ENOSF1: variants seen among roughly 807,000 people sequenced by gnomAD.
ENOSF1 encodes the protein enolase superfamily member 1.
In ENOSF1, 73 loss-of-function variants were observed where a neutral mutation model predicts 68.2. The observed-to-expected ratio is 1.07, with a 90% CI of 0.89 to 1.30. The LOEUF (loss-of-function observed/expected upper bound fraction) is 1.30. Ranked by LOEUF, ENOSF1 falls within the 50% of genes most tolerant of loss-of-function variation. The pLI is 0.00. For missense variants in ENOSF1, 589 were observed against 554.5 expected (o/e 1.06, Z -0.62); for synonymous variants, 223 against 210.4 (o/e 1.06, Z -0.52).
intron 3 of ENOSF1, among the ~76,000 whole-genome samples, 184 bp from the exon 4 acceptor site, chr18:694,518 C>T (rs1030741126): frequency 6.6e-6 from 1 of 151,832 alleles, no homozygotes; most frequent in Non-Finnish European, 1.5e-5. Context: ...GTAGTCCCTA[C>T]TCAGGAGGCT....
At chr18:667,989 GGAA>G (rs2074889547), downstream of ENOSF1, among the ~76,000 whole-genome samples, 1 of 88,234 alleles carries the variant, frequency 1.1e-5, no homozygotes, top group African/African-American at 6.6e-5. Context: ...CAGATTCACA[GGAA>G]TTTTTTTTTT....
chr18:669,428 A>G (rs2074939693), downstream of ENOSF1: 1 of 347,766 alleles, frequency 2.9e-6, no homozygotes, highest in Admixed American at 4.2e-5. Context: ...GCTGGAATGC[A>G]ACGGCGTGAT....
In ENOSF1 at chr18:708,434, G is replaced by A. The variant is rs1445100305; in HGVS notation, c.85-1856C>T. On this transcript the variant is annotated intron_variant, in intron 1 of 15. Coordinates refer to ENST00000647584, the MANE Select transcript of ENOSF1 (RefSeq NM_017512.7). ...ACCTGTAATCCCAACACTTTGGGAG[G>A]CCAAGACAGGAGGATTGTTTGAGCC... Among the ~76,000 whole-genome samples, 3 of 152,048 alleles carry A rather than the reference G, an allele frequency of 2.0e-5. No homozygotes were observed. In the East Asian group the frequency reaches 5.8e-4, roughly 29 times the overall value.
rs60666075 is a variant in ENOSF1, at chr18:684,864, ATT to A, written c.741+1055_741+1056del. Among the ~76,000 whole-genome samples, 80 of 147,700 alleles carry A rather than the reference ATT, an allele frequency of 5.4e-4. 1 individual carries two copies. The highest frequency in any genetic ancestry group is 1.7e-3 in the African/African-American group (70 of 40,808). ...CCAGAGGACAGTATGCTCAGAATGG[ATT>A]TTTTTTTTTTAAGAGGCTGGATCTC... On this transcript the variant is annotated intron_variant, in intron 10 of 15. Transcript: ENST00000647584.
intron 1 of ENOSF1, among the ~76,000 whole-genome samples, chr18:711,646 G>A (rs1162085953): frequency 2.0e-5 from 3 of 152,208 alleles, no homozygotes; most frequent in Admixed American, 1.3e-4. Flanking sequence ...CTAGACGGGG[G>A]CAGGGGAGGG....
At position 671,749 on chromosome 18, in the gene ENOSF1, T is replaced by C. The variant is rs2075061173; in HGVS notation, c.*2556A>G. The C allele has an allele frequency of 5.2e-6, 2 of 386,740 alleles. No individual in the cohort carries two copies. The highest frequency in any genetic ancestry group is 4.5e-5 in the Admixed American group (1 of 22,200). The allele number at this position is 386,740 out of a possible 1,614,324, so 24.0% of individuals were successfully genotyped here. The stretch of plus-strand genomic sequence containing the variant: ...AGGGGGCATTTTAACTCATTTTAAC[T>C]TGAAGGAGAATTGAAGTGCAAATGT... On this transcript the variant is annotated 3_prime_UTR_variant, in exon 16 of 16. Transcript: ENST00000647584.
intron 3 of ENOSF1, among the ~76,000 whole-genome samples, chr18:696,381 T>G (rs2077733759): frequency 6.6e-6 from 1 of 151,654 alleles, no homozygotes; most frequent in Non-Finnish European, 1.5e-5. Flanking sequence ...CCGGCTAATT[T>G]TTTGTATTTT....
rs765408901 is a variant in ENOSF1, at chr18:712,572, T to G, written c.16A>C (p.Ile6Leu). Residue 6 changes from isoleucine to leucine, a missense_variant, in exon 1 of 16, where the codon ATC becomes CTC. Coordinates refer to ENST00000647584, the MANE Select transcript of ENOSF1 (RefSeq NM_017512.7). Reference sequence around the variant, plus strand: ...ACGTCCCGGACCGAGAGCCGGGAGATCCTGCCGCGCACCATGGCCCCTGCG... The same window carrying G: ...ACGTCCCGGACCGAGAGCCGGGAGAGCCTGCCGCGCACCATGGCCCCTGCG... MVRGR[I>L]SRLSVRDVRF... is the part of the protein sequence containing the mutation. 2.0e-6 allele frequency: 3 copies of G among 1,516,926 alleles called. No homozygotes were observed. The highest frequency in any genetic ancestry group is 2.6e-5 in the East Asian group (1 of 38,444). 94.0% of individuals were successfully genotyped at this position (1,516,926 alleles called of 1,614,324 possible).
chr18:691,352 ATTC>A (rs1230344562), intron 5 of ENOSF1, 76 bp from the exon 6 acceptor site: 6 of 1,268,852 alleles, frequency 4.7e-6, no homozygotes, highest in Non-Finnish European at 6.6e-6. Context: ...AAAATTTATT[ATTC>A]TTTTTTTAGA....
chr18:695,299 C>T (rs1462176878), intron 3 of ENOSF1, among the ~76,000 whole-genome samples: 3 of 152,164 alleles, frequency 2.0e-5, no homozygotes, highest in Non-Finnish European at 4.4e-5. Context: ...CATTTTTTGG[C>T]ATCAATACTA....
chr18:693,892 A>G lies in ENOSF1; in HGVS notation c.413T>C (p.Leu138Pro), dbSNP rs1215451407. The G allele has an allele frequency of 2.5e-6, 4 of 1,614,050 alleles. No homozygotes were observed. The highest frequency in any genetic ancestry group is 3.4e-6 in the Non-Finnish European group (4 of 1,180,038). The stretch of plus-strand genomic sequence containing the variant: ...AACAATGCTACTCACCATGTCCACA[A>G]GTAACTTCCAGACAGGCTTGAAGTA... ...KQEGKPVWKLLVDMDPRMLVS... is the reference protein window; with the variant it reads ...KQEGKPVWKLPVDMDPRMLVS... The change falls in exon 5 of 16, where the codon CTT (leucine) becomes CCT (proline). Residue 138 changes from leucine to proline, a missense_variant. Leu to Pro is a moderately conservative substitution (Grantham distance 98, BLOSUM62 -3). Transcript: ENST00000647584.
chr18:666,515 A>T (rs2074818905), downstream of ENOSF1, among the ~76,000 whole-genome samples: 1 of 152,110 alleles, frequency 6.6e-6, no homozygotes, highest in South Asian at 2.1e-4. Flanking sequence ...GTCCCTAGGA[A>T]AAGCAGATGC....
intron 1 of ENOSF1, among the ~76,000 whole-genome samples, chr18:710,492 ATAG>A (rs1437463164): frequency 1.3e-5 from 2 of 152,284 alleles, no homozygotes; most frequent in African/African-American, 4.8e-5. Flanking sequence ...CTCAGAGTGA[ATAG>A]TAATTACAGC....
intron 5 of ENOSF1, chr18:692,618 A>C: frequency 1.3e-6 from 1 of 784,688 alleles, no homozygotes; most frequent in Non-Finnish European, 1.5e-6. Context: ...AAAGAAAGAA[A>C]GAAAAAAAGA....
intron 11 of ENOSF1, among the ~76,000 whole-genome samples, chr18:679,538 T>C (rs993809800): frequency 6.9e-6 from 1 of 145,156 alleles, no homozygotes; most frequent in Non-Finnish European, 1.5e-5. Context: ...AAAATCCTCT[T>C]CCTTAAGGCA....
Position 673,155 on chromosome 18 carries a change from A to C in ENOSF1, c.*1150T>G. 1.4e-6 allele frequency: 1 copy of C among 729,878 alleles called. No homozygotes were observed. The highest frequency in any genetic ancestry group is 2.1e-6 in the Non-Finnish European group (1 of 483,302). The allele number at this position is 729,878 out of a possible 1,614,324, so 45.2% of individuals were successfully genotyped here. A position where few individuals can be genotyped will look rare whatever the true frequency, so the allele number is the denominator to read the frequency against. On this transcript the variant is annotated 3_prime_UTR_variant, in exon 16 of 16. Coordinates refer to ENST00000647584, the MANE Select transcript of ENOSF1 (RefSeq NM_017512.7). The stretch of plus-strand genomic sequence containing the variant: ...ATTTTTAAGGATGTTGCCACTGGCA[A>C]ATGTAACTGTGCCAGTTCTTTCCAT...
Position 670,636 on chromosome 18 carries a change from T to C in ENOSF1, c.*3669A>G. ...TTTCTCTCCTGTTTTACTTTGCCTTTAGCTGTGGTCTTTCAAACCACCATC... is the reference window on the plus strand; with the variant it reads ...TTTCTCTCCTGTTTTACTTTGCCTTCAGCTGTGGTCTTTCAAACCACCATC... On this transcript the variant is annotated 3_prime_UTR_variant, in exon 16 of 16. Transcript: ENST00000647584. 3 of 1,589,398 alleles carry C rather than the reference T, an allele frequency of 1.9e-6. No homozygotes were observed. Among genetic ancestry groups the C allele is most frequent in the Non-Finnish European group, 2.6e-6 (3 of 1,163,918 alleles).
At chr18:702,949 C>T (rs764129022) in intron 2 of ENOSF1, among the ~76,000 whole-genome samples, 7 of 152,066 alleles carry the variant, frequency 4.6e-5, no homozygotes, top group Non-Finnish European at 7.3e-5. Context: ...AAATCATAAA[C>T]AGATGATTAG....
chr18:690,764 C>T, intron 7 of ENOSF1, 133 bp from the exon 8 acceptor site: 1 of 1,288,074 alleles, frequency 7.8e-7, no homozygotes. Flanking sequence ...ACACACCCAG[C>T]CACAAATTAC....
Sources: allele counts gnomAD v4.1 joint callset (sites outside exome capture counted in the v4.1 genomes callset), GRCh38; gene constraint gnomAD v4.1.1; transcripts MANE v1.5; gene names NCBI Gene and HGNC (gene_info 2026-07-23, HGNC 2026-07-21).